Variants in MINDY2 observed in about 807,000 individuals in gnomAD.
The protein encoded by MINDY2 is MINDY lysine 48 deubiquitinase 2.
Under a neutral mutation model 68.2 loss-of-function variants are expected in MINDY2, and 52 were observed. The observed-to-expected ratio is 0.76, with a 90% CI of 0.61 to 0.96. The LOEUF (loss-of-function observed/expected upper bound fraction) is 0.96. Ranked by LOEUF, MINDY2 falls within the 40% of genes least tolerant of loss-of-function variation. The pLI, the probability that MINDY2 is intolerant of heterozygous loss-of-function variation, is 0.00. For synonymous variants in MINDY2, 372 were observed against 303.0 expected (o/e 1.23, Z -2.36); for missense variants, 881 against 773.4 (o/e 1.14, Z -1.65).
intron 3 of MINDY2, among the ~76,000 whole-genome samples, chr15:58,807,963 G>C (rs2029926606): frequency 6.6e-6 from 1 of 151,808 alleles, no homozygotes; most frequent in African/African-American, 2.4e-5. Context: ...TTTTCAAGGA[G>C]GCCTGTCTCC....
chr15:58,858,465 C>CAA lies in MINDY2; in HGVS notation c.*3856_*3857dup, dbSNP rs1190644118. 1 of 152,082 alleles carries CAA rather than the reference C, an allele frequency of 6.6e-6. No homozygotes were observed. The highest frequency in any genetic ancestry group is 2.4e-5 in the African/African-American group (1 of 41,422). 9.4% of individuals were successfully genotyped at this position (152,082 alleles called of 1,614,324 possible). The stretch of plus-strand genomic sequence containing the variant: ...TTTTGCTTTCAATGAATCAGAAAGT[C>CAA]AATTCACTAAGAGACAGATCATGAG... On this transcript the variant is annotated 3_prime_UTR_variant, in exon 9 of 9. Transcript: ENST00000559228.
At chr15:58,810,491 AC>A in intron 4 of MINDY2, 103 bp downstream of exon 4, 1 of 1,194,522 alleles carries the variant, frequency 8.4e-7, no homozygotes, top group Non-Finnish European at 1.1e-6. Context: ...CTTTTTTTGT[AC>A]TTTTGCCTGG....
At chr15:58,842,841 C>G (rs1335980613) in intron 6 of MINDY2, among the ~76,000 whole-genome samples, 4 of 152,088 alleles carry the variant, frequency 2.6e-5, no homozygotes, top group Admixed American at 2.6e-4. Flanking sequence ...CATGTAAAGA[C>G]CCTAAGTAAC....
intron 2 of MINDY2, among the ~76,000 whole-genome samples, chr15:58,791,137 G>A (rs1240207380): frequency 1.4e-5 from 2 of 139,772 alleles, no homozygotes; most frequent in Admixed American, 7.3e-5. Context: ...CCGAGATCAC[G>A]CCACTGCACT....
chr15:58,781,687 A>G (rs1197632502), intron 1 of MINDY2, among the ~76,000 whole-genome samples: 1 of 151,936 alleles, frequency 6.6e-6, no homozygotes, highest in Non-Finnish European at 1.5e-5. Flanking sequence ...GGTGGATCAC[A>G]GTGTCAGGAG....
At chr15:58,802,514 G>C (rs1047523011) in intron 3 of MINDY2, 137 bp downstream of exon 3, 3 of 505,234 alleles carry the variant, frequency 5.9e-6, no homozygotes, top group South Asian at 7.2e-5. Context: ...CATGTGGTCA[G>C]TCTCTATTAC....
At chr15:58,794,358 GGTGTGTGTGTGTGTGTGT>G (rs3985718) in intron 2 of MINDY2, among the ~76,000 whole-genome samples, 1 of 139,112 alleles carries the variant, frequency 7.2e-6, no homozygotes, top group East Asian at 2.2e-4. Flanking sequence ...TTTTTTTTGG[GGTGTGTGTGTGTGTGTGT>G]GTGTGTGTGT....
In MINDY2 at chr15:58,831,043, A is replaced by G. The variant is rs200957358; in HGVS notation, c.1226-731A>G. Among the ~76,000 whole-genome samples the G allele has an allele frequency of 5.1e-3, 530 of 103,634 alleles. 6 individuals carry two copies. Among genetic ancestry groups the G allele is most frequent in the East Asian group, 0.039 (86 of 2,192 alleles). 68.0% of individuals were successfully genotyped at this position (103,634 alleles called of 152,430 possible). ...TGTGTGTGTGTGTGTGTGTGTGTGTATATATATATATATATATGTTTTAAA... is the reference window on the plus strand; with the variant it reads ...TGTGTGTGTGTGTGTGTGTGTGTGTGTATATATATATATATATGTTTTAAA... On this transcript the variant is annotated intron_variant, in intron 5 of 8. Coordinates refer to ENST00000559228, the MANE Select transcript of MINDY2 (RefSeq NM_001040450.3).
chr15:58,850,249 A>G (rs1380200629), intron 7 of MINDY2, among the ~76,000 whole-genome samples: 4 of 152,192 alleles, frequency 2.6e-5, no homozygotes, highest in African/African-American at 7.2e-5. Context: ...TGGTTAAATA[A>G]TTGAGTAAGA....
intron 4 of MINDY2, among the ~76,000 whole-genome samples, chr15:58,812,436 C>CAAA (rs200958606): frequency 9.6e-6 from 1 of 104,212 alleles, no homozygotes; most frequent in Non-Finnish European, 2.1e-5. Flanking sequence ...CGGTCCGTCT[C>CAAA]AAAAAAAAAA....
chr15:58,856,564 ATATT>A lies in MINDY2; in HGVS notation c.*1957_*1960del, dbSNP rs2033067635. On this transcript the variant is annotated 3_prime_UTR_variant, in exon 9 of 9. Transcript: ENST00000559228. ...TTGGGATATAAAACTCTGATAGAAA[ATATT>A]TAATGAGTATCTTGATTATAACCTA... 2 of 152,252 alleles carry A rather than the reference ATATT, an allele frequency of 1.3e-5. No individual in the cohort carries two copies. The highest frequency in any genetic ancestry group is 6.5e-5 in the Admixed American group (1 of 15,276). The allele number at this position is 152,252 out of a possible 1,614,324, so 9.4% of individuals were successfully genotyped here.
chr15:58,779,160 G>T (rs907694581), intron 1 of MINDY2, among the ~76,000 whole-genome samples: 1 of 151,862 alleles, frequency 6.6e-6, no homozygotes, highest in Admixed American at 6.6e-5. Flanking sequence ...CTCCCAGAGT[G>T]CTGGGATTAC....
At chr15:58,804,721 C>T (rs567320808) in intron 3 of MINDY2, among the ~76,000 whole-genome samples, 2 of 151,824 alleles carry the variant, frequency 1.3e-5, no homozygotes, top group Admixed American at 6.6e-5. Context: ...GTCAGAGGAT[C>T]GCTTGAGCCC....
rs2032830419 is a variant in MINDY2, at chr15:58,851,864, G to C, written c.1636G>C (p.Ala546Pro). 2 of 1,613,278 alleles carry C rather than the reference G, an allele frequency of 1.2e-6. No individual in the cohort carries two copies. Among genetic ancestry groups the C allele is most frequent in the Non-Finnish European group, 1.7e-6 (2 of 1,179,740 alleles). ...IPEGISDLEL[A>P]KKLQEEEDRR... ...GGAAGGAATCAGTGATTTGGAACTA[G>C]CAAAGAAACTCCAAGAGGAAGAGGA... The change falls in exon 8 of 9, where the codon GCA becomes CCA. Residue 546 changes from alanine (A) to proline (P), a missense_variant. By Grantham distance (27) the Ala-to-Pro change is conservative (BLOSUM62 -1). Coordinates refer to ENST00000559228, the MANE Select transcript of MINDY2 (RefSeq NM_001040450.3).
At chr15:58,803,784 C>G (rs1210088557) in intron 3 of MINDY2, among the ~76,000 whole-genome samples, 1 of 151,736 alleles carries the variant, frequency 6.6e-6, no homozygotes, top group Non-Finnish European at 1.5e-5. Flanking sequence ...TCACTACACT[C>G]CGTCCTGGGC....
chr15:58,798,736 G>A (rs778491215), intron 2 of MINDY2, among the ~76,000 whole-genome samples: 1 of 152,150 alleles, frequency 6.6e-6, no homozygotes, highest in Admixed American at 6.6e-5. Context: ...GATTACAGAC[G>A]TCAGCCACCA....
At chr15:58,838,667 A>G (rs550938489) in intron 6 of MINDY2, among the ~76,000 whole-genome samples, 1 of 138,138 alleles carries the variant, frequency 7.2e-6, no homozygotes, top group East Asian at 2.3e-4. Context: ...GCTCACCACA[A>G]CCTCCACCTC....
At chr15:58,797,763 T>C (rs1019024064) in intron 2 of MINDY2, among the ~76,000 whole-genome samples, 18 of 152,194 alleles carry the variant, frequency 1.2e-4, no homozygotes, top group Non-Finnish European at 2.5e-4. Flanking sequence ...TGACTTTGTC[T>C]GCATACCTTC....
chr15:58,802,430 T>A, intron 3 of MINDY2, 53 bp downstream of exon 3: 1 of 1,168,774 alleles, frequency 8.6e-7, no homozygotes, highest in Non-Finnish European at 1.2e-6. Context: ...AATATATACA[T>A]TGGTTTCTAT....
Sources: allele counts gnomAD v4.1 joint callset (sites outside exome capture counted in the v4.1 genomes callset), GRCh38; gene constraint gnomAD v4.1.1; transcripts MANE v1.5; gene names NCBI Gene and HGNC (gene_info 2026-07-23, HGNC 2026-07-21).